Variants in CALD1 observed in about 807,000 individuals in gnomAD.
CALD1 encodes caldesmon 1.
CALD1 carries 33 observed loss-of-function variants against 99.9 expected under a neutral mutation model. The ratio of observed to expected loss-of-function variants is 0.33; its 90% CI spans 0.25 to 0.44. The LOEUF (loss-of-function observed/expected upper bound fraction) is 0.44, where lower values mean the gene tolerates loss of function less well. CALD1 is among the 20% of genes least tolerant of loss of function. CALD1 has a pLI of 1.00. For synonymous variants in CALD1, 310 were observed against 325.0 expected (o/e 0.95, Z 0.50); for missense variants, 861 against 962.1 (o/e 0.89, Z 1.39).
At chr7:134,885,979 AG>A (rs1423174555) in intron 3 of CALD1, among the ~76,000 whole-genome samples, 1 of 152,130 alleles carries the variant, frequency 6.6e-6, no homozygotes, top group Non-Finnish European at 1.5e-5. Context: ...TTCAAGTTGG[AG>A]GGCAGAAAGG....
chr7:134,948,549 T>A (rs1340686289), intron 8 of CALD1, among the ~76,000 whole-genome samples: 1 of 152,164 alleles, frequency 6.6e-6, no homozygotes, highest in Non-Finnish European at 1.5e-5. Flanking sequence ...AAACCAGGAA[T>A]CAAATAGTTT....
chr7:134,964,294 G>T (rs1016353279), intron 13 of CALD1, among the ~76,000 whole-genome samples: 1 of 152,176 alleles, frequency 6.6e-6, no homozygotes, highest in African/African-American at 2.4e-5. Flanking sequence ...TGGAGGTGAA[G>T]AAAACCCTAC....
the CALD1 span, among the ~76,000 whole-genome samples, chr7:134,724,203 G>A: frequency 6.6e-6 from 1 of 152,198 alleles, no homozygotes; most frequent in African/African-American, 2.4e-5. Context: ...ACCAAGGCGT[G>A]TTTATATTTC....
chr7:134,900,789 G>A (rs1490410374), intron 3 of CALD1, among the ~76,000 whole-genome samples: 3 of 152,040 alleles, frequency 2.0e-5, no homozygotes, highest in Non-Finnish European at 4.4e-5. Context: ...TGCCTGATCA[G>A]TGTGACATTT....
chr7:134,735,329 G>A, the CALD1 span, among the ~76,000 whole-genome samples: 2 of 152,058 alleles, frequency 1.3e-5, no homozygotes, highest in Non-Finnish European at 2.9e-5. Flanking sequence ...TGTTTGGAGT[G>A]GTCTTGATGG....
intron 1 of CALD1, among the ~76,000 whole-genome samples, chr7:134,753,769 T>A (rs1162548883): frequency 6.6e-6 from 1 of 152,240 alleles, no homozygotes; most frequent in Non-Finnish European, 1.5e-5. Flanking sequence ...GGTCCTTGAC[T>A]ACAAATTGTC....
At chr7:134,874,832 T>A (rs1275720620) in intron 3 of CALD1, among the ~76,000 whole-genome samples, 5 of 152,192 alleles carry the variant, frequency 3.3e-5, no homozygotes, top group Admixed American at 1.3e-4. Flanking sequence ...AGCAATTTTT[T>A]AAAATCCATG....
intron 6 of CALD1, among the ~76,000 whole-genome samples, 172 bp downstream of exon 6, chr7:134,935,937 T>C (rs868320488): frequency 3.9e-5 from 6 of 152,308 alleles, no homozygotes; most frequent in South Asian, 4.1e-4. Context: ...CAAAATTAAT[T>C]AAATGTATCA....
At chr7:134,822,962 A>G (rs1798840371) in intron 1 of CALD1, among the ~76,000 whole-genome samples, 7 of 152,134 alleles carry the variant, frequency 4.6e-5, no homozygotes. Flanking sequence ...CTCTGTACTC[A>G]AGTCAACAAT....
chr7:134,962,678 G>T (rs1039807650), intron 13 of CALD1: 4 of 367,490 alleles, frequency 1.1e-5, no homozygotes, highest in South Asian at 8.5e-5. Context: ...GTGTAACTTT[G>T]TAACTGCAAT....
At chr7:134,968,109 T>G (rs996152377) in intron 14 of CALD1, among the ~76,000 whole-genome samples, 2 of 152,102 alleles carry the variant, frequency 1.3e-5, no homozygotes, top group Non-Finnish European at 2.9e-5. Context: ...ATCACACCAC[T>G]GCACTCCAGC....
chr7:134,948,291 T>C (rs1471296968), intron 8 of CALD1, among the ~76,000 whole-genome samples: 2 of 151,822 alleles, frequency 1.3e-5, no homozygotes, highest in African/African-American at 2.4e-5. Context: ...ATCTGCGTTG[T>C]TCATTACTGT....
the CALD1 span, among the ~76,000 whole-genome samples, chr7:134,731,916 G>A: frequency 6.6e-6 from 1 of 151,930 alleles, no homozygotes; most frequent in Non-Finnish European, 1.5e-5. Context: ...CACACACATT[G>A]TTTATTTTTT....
chr7:134,726,084 T>G, the CALD1 span, among the ~76,000 whole-genome samples: 4 of 152,040 alleles, frequency 2.6e-5, no homozygotes, highest in Non-Finnish European at 4.4e-5. Context: ...CTTAACTGAA[T>G]CTTATAACAA....
At chr7:134,905,106 T>C (rs1381621829) in intron 3 of CALD1, among the ~76,000 whole-genome samples, 1 of 152,146 alleles carries the variant, frequency 6.6e-6, no homozygotes, top group African/African-American at 2.4e-5. Flanking sequence ...CTCAGCCTTC[T>C]GTGGTGTTAC....
At chr7:134,845,655 T>G (rs1382215893) in intron 2 of CALD1, among the ~76,000 whole-genome samples, 4 of 152,182 alleles carry the variant, frequency 2.6e-5, no homozygotes, top group Non-Finnish European at 5.9e-5. Context: ...GAAGGTCAGG[T>G]GAGAACCAGA....
chr7:134,729,511 C>A, the CALD1 span, among the ~76,000 whole-genome samples: 9 of 152,214 alleles, frequency 5.9e-5, no homozygotes, highest in Non-Finnish European at 1.3e-4. Flanking sequence ...TGGCACGCAG[C>A]CCCCGAGGGC....
intron 3 of CALD1, among the ~76,000 whole-genome samples, chr7:134,902,239 G>C (rs1803053948): frequency 6.6e-6 from 1 of 152,094 alleles, no homozygotes. Flanking sequence ...TAACCCCACT[G>C]AGTGAAAGGC....
intron 3 of CALD1, among the ~76,000 whole-genome samples, chr7:134,869,761 T>A (rs541377942): frequency 6.6e-6 from 1 of 152,296 alleles, no homozygotes; most frequent in East Asian, 1.9e-4. Context: ...GAAATTATTA[T>A]TAGAGTAATA....
Sources: allele counts gnomAD v4.1 joint callset (sites outside exome capture counted in the v4.1 genomes callset), GRCh38; gene constraint gnomAD v4.1.1; transcripts MANE v1.5; gene names NCBI Gene and HGNC (gene_info 2026-07-23, HGNC 2026-07-21).